Variants in PRR27 observed in about 807,000 individuals in gnomAD.
The protein encoded by PRR27 is proline-rich protein 27.
In PRR27, 12 loss-of-function variants were observed where a neutral mutation model predicts 16.8. That is an observed-to-expected ratio of 0.71 (90% CI 0.46 to 1.16). The LOEUF (loss-of-function observed/expected upper bound fraction) is 1.16, where lower values mean the gene tolerates loss of function less well. Among genes scored for constraint, PRR27 ranks in the 50% most tolerant of loss-of-function variants. PRR27 has a pLI of 0.00. For synonymous variants in PRR27, 100 were observed against 98.4 expected, an observed-to-expected ratio of 1.02 and a Z score of -0.10; for missense variants, 277 against 273.3, an observed-to-expected ratio of 1.01 and a Z score of -0.10.
chr4:70,158,890 C>T lies in PRR27; in HGVS notation c.638C>T (p.Ser213Phe), dbSNP rs1036555461. Residue 213 changes from serine (S) to phenylalanine (F), a missense_variant, in exon 3 of 5, where the codon TCT (serine) becomes TTT (phenylalanine). By Grantham distance (155) the Ser-to-Phe change is radical. Coordinates refer to ENST00000344526, the MANE Select transcript of PRR27 (RefSeq NM_214711.4). ...GCCCCAGAACCTCACCCTTCTCCCT[C>T]TCTTGAACAGGTAGGTTGTTTATAT... ...PAAPEPHPSP[S>F]LEQANQ 1 of 1,611,726 alleles carries T rather than the reference C, an allele frequency of 6.2e-7. No individual in the cohort carries two copies. Among genetic ancestry groups the T allele is most frequent in the Non-Finnish European group, 8.5e-7 (1 of 1,178,820 alleles).
chr4:70,155,674 C>A (rs563636072), intron 1 of PRR27, among the ~76,000 whole-genome samples: 14 of 137,700 alleles, frequency 1.0e-4, no homozygotes, highest in Non-Finnish European at 1.9e-4. Flanking sequence ...TCGCAAAGGC[C>A]ACACTTTAAC....
rs1361176640 is a variant in PRR27, at chr4:70,163,675, T to C, written c.*1014T>C. ...CCTCCACCCTGATCACATACACACA[T>C]GCATTATCCACTGAGCAGTCACAAT... On this transcript the variant is annotated 3_prime_UTR_variant, in exon 5 of 5. Coordinates refer to ENST00000344526, the MANE Select transcript of PRR27 (RefSeq NM_214711.4). The C allele has an allele frequency of 6.6e-6, 1 of 152,136 alleles. No individual in the cohort carries two copies. Among genetic ancestry groups the C allele is most frequent in the Admixed American group, 6.6e-5 (1 of 15,262 alleles). The allele number at this position is 152,136 out of a possible 1,614,324, so 9.4% of individuals were successfully genotyped here. A position where few individuals can be genotyped will look rare whatever the true frequency, so the allele number is the denominator to read the frequency against.
Position 70,163,620 on chromosome 4 carries a change from C to G in PRR27, c.*959C>G, listed in dbSNP as rs536273829. On this transcript the variant is annotated 3_prime_UTR_variant, in exon 5 of 5. Transcript: ENST00000344526. ...AGCCACCGTGCCCTGCCAGAATAGC[C>G]TATTAACCAGTCTACCTGCTTCCAC... 1.3e-5 allele frequency: 2 copies of G among 152,616 alleles called. No homozygotes were observed. The highest frequency in any genetic ancestry group is 2.1e-4 in the South Asian group (1 of 4,830). 9.5% of individuals were successfully genotyped at this position (152,616 alleles called of 1,614,324 possible). A position where few individuals can be genotyped will look rare whatever the true frequency, so the allele number is the denominator to read the frequency against.
intron 1 of PRR27, among the ~76,000 whole-genome samples, chr4:70,155,646 C>A (rs1457433815): frequency 6.6e-6 from 1 of 152,062 alleles, no homozygotes; most frequent in East Asian, 1.9e-4. Context: ...GGATTACAGG[C>A]GTGAGCCATT....
intron 3 of PRR27, among the ~76,000 whole-genome samples, chr4:70,160,409 T>TTCTCTCTCTCTCTCTCTCTC (rs149182032): frequency 9.4e-6 from 1 of 106,098 alleles, no homozygotes; most frequent in African/African-American, 3.8e-5. Flanking sequence ...TTCTGGGACT[T>TTCTCTCTCTCTCTCTCTCTC]TCTCTCTCTC....
chr4:70,158,104 C>T (rs961712968), intron 2 of PRR27, among the ~76,000 whole-genome samples: 4 of 152,122 alleles, frequency 2.6e-5, no homozygotes, highest in Non-Finnish European at 5.9e-5. Context: ...CTCTTATTTG[C>T]TTAAACACAA....
At chr4:70,157,238 A>T (rs1482060263) in intron 2 of PRR27, among the ~76,000 whole-genome samples, 1 of 152,134 alleles carries the variant, frequency 6.6e-6, no homozygotes, top group African/African-American at 2.4e-5. Context: ...TGGGGAATGT[A>T]GCATCCCAGA....
At chr4:70,159,781 T>A (rs1243059251) in intron 3 of PRR27, among the ~76,000 whole-genome samples, 2 of 152,182 alleles carry the variant, frequency 1.3e-5, no homozygotes, top group African/African-American at 4.8e-5. Context: ...CGGATAAATG[T>A]TTTTATCCAA....
intron 1 of PRR27, among the ~76,000 whole-genome samples, chr4:70,155,622 C>T (rs1452363722): frequency 6.6e-6 from 1 of 152,132 alleles, no homozygotes; most frequent in Non-Finnish European, 1.5e-5. Context: ...CCCCCTCGGC[C>T]TCCCAAAGTG....
At position 70,156,038 on chromosome 4, in the gene PRR27, T is replaced by G. The variant is rs751286540; in HGVS notation, c.52-16T>G. The G allele has an allele frequency of 7.1e-7, 1 of 1,405,536 alleles. No individual in the cohort carries two copies. Among genetic ancestry groups the G allele is most frequent in the Non-Finnish European group, 9.6e-7 (1 of 1,042,478 alleles). 87.1% of individuals were successfully genotyped at this position (1,405,536 alleles called of 1,614,324 possible). On this transcript the variant is annotated splice_polypyrimidine_tract_variant and intron_variant, in intron 1 of 4. Coordinates refer to ENST00000344526, the MANE Select transcript of PRR27 (RefSeq NM_214711.4). ...AAATACATAACCGCATTAAAATATA[T>G]TTTTCTTTATTTTAGAGACGGTTCC... is the stretch of plus-strand genomic sequence containing the variant.
intron 2 of PRR27, 113 bp downstream of exon 2, chr4:70,156,190 C>CTT: frequency 2.0e-6 from 1 of 511,236 alleles, no homozygotes. Context: ...TGCTATTGCT[C>CTT]TTAAAATAAT....
At position 70,154,888 on chromosome 4, in the gene PRR27, G is replaced by T. The variant is rs142768775; in HGVS notation, c.51+462G>T. ...TAACGTAATATAGTGTAATGCAATG[G>T]CCTTTAGTGTAACATAAGTAGATGA... On this transcript the variant is annotated intron_variant, in intron 1 of 4. Coordinates refer to ENST00000344526, the MANE Select transcript of PRR27 (RefSeq NM_214711.4). The T allele has an allele frequency of 1.4e-3, 888 of 633,150 alleles. 10 individuals are homozygous for T. In the African/African-American group the frequency reaches 0.016, roughly 11 times the overall value. 39.2% of individuals were successfully genotyped at this position (633,150 alleles called of 1,614,324 possible). A position where few individuals can be genotyped will look rare whatever the true frequency, so the allele number is the denominator to read the frequency against.
At chr4:70,158,303 T>A (rs748216578) in intron 2 of PRR27, 25 bp from the exon 3 acceptor site, 2 of 1,386,866 alleles carry the variant, frequency 1.4e-6, no homozygotes, top group South Asian at 1.2e-5. Flanking sequence ...TACAATCAAC[T>A]TCGACTTCTT....
At position 70,158,704 on chromosome 4, in the gene PRR27, GGGC is replaced by G. The variant is rs1560469458; in HGVS notation, c.453_455del (p.Ala152del). ...CCTGTAGCAGCTGAGCCTGCTGCAGGGGCCCCTGTTGCAGCTGAGCCTGCTGCA... is the reference window on the plus strand; with the variant it reads ...CCTGTAGCAGCTGAGCCTGCTGCAGGCCCTGTTGCAGCTGAGCCTGCTGCA... On this transcript the variant is annotated inframe_deletion, in exon 3 of 5. Coordinates refer to ENST00000344526, the MANE Select transcript of PRR27 (RefSeq NM_214711.4). The G allele has an allele frequency of 6.8e-6, 11 of 1,612,460 alleles. No individual in the cohort carries two copies. In the South Asian group the frequency reaches 1.2e-4, roughly 18 times the overall value.
rs1728769133 is a variant in PRR27 at position 70,166,484 on chromosome 4, A to G, written c.*3823A>G. On this transcript the variant is annotated 3_prime_UTR_variant, in exon 5 of 5. Transcript: ENST00000344526. Reference sequence around the variant, plus strand: ...TGGATAATCTTTTTTAAATGACTACATATGTCGATAAGTTACAAAATCCAT... The same window carrying G: ...TGGATAATCTTTTTTAAATGACTACGTATGTCGATAAGTTACAAAATCCAT... The G allele has an allele frequency of 6.6e-6, 1 of 152,114 alleles. No homozygotes were observed. Among genetic ancestry groups the G allele is most frequent in the Non-Finnish European group, 1.5e-5 (1 of 67,960 alleles). 9.4% of individuals were successfully genotyped at this position (152,114 alleles called of 1,614,324 possible).
At position 70,158,871 on chromosome 4, in the gene PRR27, G is replaced by C; in HGVS notation, c.619G>C (p.Glu207Gln). Residue 207 changes from glutamate (E) to glutamine (Q), a missense_variant, in exon 3 of 5, where the codon GAA becomes CAA. Glu to Gln is a conservative substitution (Grantham distance 29). Coordinates refer to ENST00000344526, the MANE Select transcript of PRR27 (RefSeq NM_214711.4). ...EPATAKPAAP[E>Q]PHPSPSLEQA... ...TGCTACAGCCAAGCCTGCTGCCCCAGAACCTCACCCTTCTCCCTCTCTTGA... is the reference window on the plus strand; with the variant it reads ...TGCTACAGCCAAGCCTGCTGCCCCACAACCTCACCCTTCTCCCTCTCTTGA... 1 of 1,603,754 alleles carries C rather than the reference G, an allele frequency of 6.2e-7. No individual in the cohort carries two copies. Among genetic ancestry groups the C allele is most frequent in the Non-Finnish European group, 8.5e-7 (1 of 1,174,608 alleles).
Position 70,158,830 on chromosome 4 carries a change from C to A in PRR27, c.578C>A (p.Pro193His), listed in dbSNP as rs749060238. 2 of 1,613,900 alleles carry A rather than the reference C, an allele frequency of 1.2e-6. No individual in the cohort carries two copies. Among genetic ancestry groups the A allele is most frequent in the African/African-American group, 2.7e-5 (2 of 74,896 alleles). The change falls in exon 3 of 5, where the codon CCT (proline) becomes CAT (histidine). Residue 193 changes from proline to histidine, a missense_variant. Physicochemically the swap from Pro to His is moderately conservative, Grantham distance 77. Coordinates refer to ENST00000344526, the MANE Select transcript of PRR27 (RefSeq NM_214711.4). ...PVGVEPAAEE[P>H]SPAEPATAKP... is the part of the protein sequence containing the mutation. ...GGAGTGGAGCCAGCTGCAGAGGAAC[C>A]TTCACCAGCTGAGCCTGCTACAGCC... is the stretch of plus-strand genomic sequence containing the variant.
intron 3 of PRR27, 29 bp downstream of exon 3, chr4:70,158,929 T>A: frequency 1.3e-6 from 2 of 1,561,458 alleles, no homozygotes; most frequent in Non-Finnish European, 1.7e-6. Flanking sequence ...ACCACTATAA[T>A]GTATGAGAAA....
In PRR27 at chr4:70,162,348, G is replaced by A. The variant is rs142631504; in HGVS notation, c.*34-347G>A. Among the ~76,000 whole-genome samples the A allele has an allele frequency of 5.8e-3, 877 of 152,256 alleles. 7 individuals are homozygous for A. Among genetic ancestry groups the A allele is most frequent in the African/African-American group, 0.02 (835 of 41,534 alleles). On this transcript the variant is annotated intron_variant, in intron 4 of 4. Transcript: ENST00000344526. Reference sequence around the variant, plus strand: ...AATGTGATGGTATTTATTATTGTTGGTGATACCTCTTTACAGCAGCCATTG... The same window carrying A: ...AATGTGATGGTATTTATTATTGTTGATGATACCTCTTTACAGCAGCCATTG...
Sources: gnomAD v4.1 joint callset for allele counts (sites outside exome capture counted in the v4.1 genomes callset) on GRCh38, gnomAD v4.1.1 for gene constraint, MANE v1.5 for transcripts, NCBI Gene and HGNC (gene_info 2026-07-23, HGNC 2026-07-21) for gene names.